TIMP3: variants seen among roughly 807,000 people sequenced by gnomAD.
TIMP3 encodes metalloproteinase inhibitor 3.
Under a neutral mutation model 30.0 loss-of-function variants are expected in TIMP3, and 11 were observed. The ratio of observed to expected loss-of-function variants is 0.37; its 90% confidence interval spans 0.23 to 0.61. The LOEUF (loss-of-function observed/expected upper bound fraction) is 0.61. Ranked by LOEUF, TIMP3 falls within the 20% of genes least tolerant of loss-of-function variation. The probability of loss-of-function intolerance (pLI) is 0.70; values close to 1 mark genes in which losing one functional copy is unlikely to be tolerated. For missense variants in TIMP3, 181 were observed against 276.8 expected, an observed-to-expected ratio of 0.65 and a Z score of 2.45; for synonymous variants, 112 against 111.3, an observed-to-expected ratio of 1.01 and a Z score of -0.04.
chr22:32,828,866 G>C lies in TIMP3; in HGVS notation c.122-20586G>C, dbSNP rs566888307. Among the ~76,000 whole-genome samples the C allele has an allele frequency of 2.9e-4, 44 of 152,258 alleles. 1 individual carries two copies. Among genetic ancestry groups the C allele is most frequent in the South Asian group, 2.5e-3 (12 of 4,818 alleles). On this transcript the variant is annotated intron_variant, in intron 1 of 4. Transcript: ENST00000266085. ...CTGAAGAGTATATCAGCCAAGCTTG[G>C]GGGAGACAGTCACATAAGGAAATTC...
chr22:32,818,623 A>G (rs1268752166), intron 1 of TIMP3, among the ~76,000 whole-genome samples: 1 of 151,982 alleles, frequency 6.6e-6, no homozygotes, highest in East Asian at 1.9e-4. Flanking sequence ...CCGCCACCCC[A>G]TTTGCTCCCA....
At position 32,849,513 on chromosome 22, in the gene TIMP3, C is replaced by G. The variant is rs1337456620; in HGVS notation, c.183C>G (p.Val61=). ...AGGAGGGGCCCTTCGGCACGCTGGT[C>G]TACACCATCAAGCAGATGAAGGTAG... ...LVKEGPFGTL[V]YTIKQMKMYR... The change falls in exon 2 of 5, where the codon GTC becomes GTG. Residue 61 remains valine (V), a synonymous_variant. Transcript: ENST00000266085. The G allele has an allele frequency of 6.2e-7, 1 of 1,613,532 alleles. No homozygotes were observed. Among genetic ancestry groups the G allele is most frequent in the Non-Finnish European group, 8.5e-7 (1 of 1,179,792 alleles).
At chr22:32,859,136 A>T (rs1427533294) in intron 4 of TIMP3, 44 bp from the exon 5 acceptor site, 1 of 1,605,206 alleles carries the variant, frequency 6.2e-7, no homozygotes, top group Non-Finnish European at 8.5e-7. Flanking sequence ...GCCTGGGCAT[A>T]CCATGGCAGA....
chr22:32,821,385 A>G (rs888361450), intron 1 of TIMP3, among the ~76,000 whole-genome samples: 1 of 152,230 alleles, frequency 6.6e-6, no homozygotes. Context: ...CTCTTCTGCT[A>G]ACCGCTAAGG....
chr22:32,821,620 C>T (rs887128644), intron 1 of TIMP3, among the ~76,000 whole-genome samples: 4 of 152,184 alleles, frequency 2.6e-5, no homozygotes, highest in Non-Finnish European at 4.4e-5. Context: ...CAAGGCAAAT[C>T]GGATGGAAGA....
chr22:32,820,354 G>A (rs1166496524), intron 1 of TIMP3, among the ~76,000 whole-genome samples: 1 of 26,856 alleles, frequency 3.7e-5, no homozygotes, highest in Non-Finnish European at 8.2e-5. Context: ...ATTCCACTGC[G>A]TGTGTGTGTG....
chr22:32,839,127 G>T (rs2047820757), intron 1 of TIMP3, among the ~76,000 whole-genome samples: 1 of 151,978 alleles, frequency 6.6e-6, no homozygotes, highest in Non-Finnish European at 1.5e-5. Flanking sequence ...CATAGGACAG[G>T]TTCATATAGT....
chr22:32,832,240 C>A (rs2047594067), intron 1 of TIMP3, among the ~76,000 whole-genome samples: 1 of 152,166 alleles, frequency 6.6e-6, no homozygotes. Flanking sequence ...TAGAACATAG[C>A]AAACAGGAAG....
At chr22:32,812,189 A>G (rs1177477279) in intron 1 of TIMP3, among the ~76,000 whole-genome samples, 1 of 152,204 alleles carries the variant, frequency 6.6e-6, no homozygotes, top group African/African-American at 2.4e-5. Flanking sequence ...TCTGGCTCTA[A>G]GTTCCCTTGG....
At chr22:32,845,041 C>T (rs1482484663) in intron 1 of TIMP3, among the ~76,000 whole-genome samples, 1 of 152,024 alleles carries the variant, frequency 6.6e-6, no homozygotes, top group Non-Finnish European at 1.5e-5. Flanking sequence ...TTCCTTGCTT[C>T]TTTTGACCAC....
intron 1 of TIMP3, among the ~76,000 whole-genome samples, chr22:32,807,393 TAA>T (rs1491147334): frequency 1.3e-4 from 13 of 101,670 alleles, no homozygotes; most frequent in African/African-American, 3.5e-4. Flanking sequence ...ATATTATATA[TAA>T]TATATATATA....
At chr22:32,836,073 T>C (rs2047721685) in intron 1 of TIMP3, among the ~76,000 whole-genome samples, 1 of 152,236 alleles carries the variant, frequency 6.6e-6, no homozygotes. Flanking sequence ...CTGGGCATAT[T>C]TGGATTCCTA....
intron 1 of TIMP3, among the ~76,000 whole-genome samples, chr22:32,820,167 T>A (rs1165445452): frequency 6.6e-6 from 1 of 152,056 alleles, no homozygotes; most frequent in Non-Finnish European, 1.5e-5. Flanking sequence ...TGAGGCTGGC[T>A]CCTGTGCCCA....
chr22:32,858,186 G>A (rs2048429234), intron 4 of TIMP3, 48 bp downstream of exon 4: 2 of 1,607,236 alleles, frequency 1.2e-6, no homozygotes, highest in Non-Finnish European at 8.5e-7. Flanking sequence ...CTGACTTGCA[G>A]CCCTAGAAAC....
At position 32,838,282 on chromosome 22, in the gene TIMP3, C is replaced by A. The variant is rs568166841; in HGVS notation, c.122-11170C>A. Among the ~76,000 whole-genome samples, 167 of 152,186 alleles carry A rather than the reference C, an allele frequency of 1.1e-3. 1 individual carries two copies. Among genetic ancestry groups the A allele is most frequent in the Middle Eastern group, 6.8e-3 (2 of 294 alleles). On this transcript the variant is annotated intron_variant, in intron 1 of 4. Coordinates refer to ENST00000266085, the MANE Select transcript of TIMP3 (RefSeq NM_000362.5). Reference sequence around the variant, plus strand: ...AGGGGGGGTGGCAAAATAAAACAAACAATAAACACTATGGCAGAGAGGGAC... The same window carrying A: ...AGGGGGGGTGGCAAAATAAAACAAAAAATAAACACTATGGCAGAGAGGGAC...
At chr22:32,856,380 A>G (rs1386295321) in intron 2 of TIMP3, among the ~76,000 whole-genome samples, 1 of 152,004 alleles carries the variant, frequency 6.6e-6, no homozygotes, top group East Asian at 1.9e-4. Flanking sequence ...AGTCAAGAGG[A>G]TCGGTGGCTT....
intron 1 of TIMP3, among the ~76,000 whole-genome samples, chr22:32,848,251 T>C (rs1283507174): frequency 2.6e-5 from 4 of 152,244 alleles, no homozygotes; most frequent in South Asian, 2.1e-4. Flanking sequence ...ATTACTTTTG[T>C]ATTCATAGTT....
chr22:32,842,060 C>T (rs931498204), intron 1 of TIMP3, among the ~76,000 whole-genome samples: 1 of 152,058 alleles, frequency 6.6e-6, no homozygotes, highest in Non-Finnish European at 1.5e-5. Context: ...GGGGAGGCTG[C>T]CTAGGTTATT....
intron 1 of TIMP3, among the ~76,000 whole-genome samples, chr22:32,822,942 G>C (rs1056676364): frequency 6.6e-6 from 1 of 151,842 alleles, no homozygotes; most frequent in Non-Finnish European, 1.5e-5. Flanking sequence ...AAAAAAAACA[G>C]AGAGAGAGAG....
Sources: gnomAD v4.1 joint callset for allele counts (sites outside exome capture counted in the v4.1 genomes callset) on GRCh38, gnomAD v4.1.1 for gene constraint, MANE v1.5 for transcripts, NCBI Gene and HGNC (gene_info 2026-07-23, HGNC 2026-07-21) for gene names.